CSMD3: variants seen among roughly 807,000 people sequenced by gnomAD.
CSMD3 encodes the protein CUB and Sushi multiple domains 3, also known as CUB and sushi domain-containing protein 3.
In CSMD3, 177 loss-of-function variants were observed where a neutral mutation model predicts 435.2. That is an observed-to-expected ratio of 0.41 (90% CI 0.36 to 0.46). CSMD3 has a LOEUF of 0.46. Among genes scored for constraint, CSMD3 ranks in the 20% least tolerant of loss-of-function variants. The probability of loss-of-function intolerance (pLI) is 0.34; values close to 1 mark genes in which losing one functional copy is unlikely to be tolerated. For missense variants in CSMD3, 4,265 were observed against 4,504.6 expected (o/e 0.95, Z 1.52); for synonymous variants, 1,656 against 1,520.5 (o/e 1.09, Z -2.07).
At chr8:112,372,685 A>G (rs1828520437) in intron 38 of CSMD3, among the ~76,000 whole-genome samples, 1 of 151,898 alleles carries the variant, frequency 6.6e-6, no homozygotes, top group African/African-American at 2.4e-5. Flanking sequence ...CCCTGTCTCT[A>G]GTAAAATACA....
chr8:112,785,413 A>G (rs573895917), intron 13 of CSMD3, among the ~76,000 whole-genome samples: 1 of 152,198 alleles, frequency 6.6e-6, no homozygotes, highest in East Asian at 1.9e-4. Context: ...TAGCTGGAAC[A>G]ATAAGACAAG....
chr8:113,431,380 T>C (rs1030210140), intron 1 of CSMD3, among the ~76,000 whole-genome samples: 2 of 152,242 alleles, frequency 1.3e-5, no homozygotes, highest in Non-Finnish European at 1.5e-5. Context: ...TTTACTTGTA[T>C]CTTACACATT....
intron 10 of CSMD3, among the ~76,000 whole-genome samples, chr8:112,869,580 C>T (rs953760918): frequency 3.3e-5 from 5 of 152,146 alleles, no homozygotes; most frequent in Non-Finnish European, 7.3e-5. Flanking sequence ...GACACTTGCA[C>T]AGGTGTGTTT....
intron 63 of CSMD3, among the ~76,000 whole-genome samples, chr8:112,250,052 A>G (rs934772988): frequency 6.6e-6 from 1 of 152,118 alleles, no homozygotes; most frequent in Non-Finnish European, 1.5e-5. Context: ...AACGTCTATC[A>G]GTTCTTAAAA....
intron 22 of CSMD3, among the ~76,000 whole-genome samples, chr8:112,624,061 T>C (rs1019127244): frequency 2.6e-5 from 4 of 152,090 alleles, no homozygotes; most frequent in Non-Finnish European, 4.4e-5. Flanking sequence ...AAGTAATAGA[T>C]ATTAAAAGTT....
chr8:112,808,310 C>A (rs1452132712), intron 12 of CSMD3, among the ~76,000 whole-genome samples: 1 of 152,062 alleles, frequency 6.6e-6, no homozygotes, highest in Non-Finnish European at 1.5e-5. Context: ...TTTGGGGCTA[C>A]AGAAGCATAA....
chr8:112,246,957 G>T, intron 64 of CSMD3, 63 bp downstream of exon 64: 1 of 1,128,194 alleles, frequency 8.9e-7, no homozygotes, highest in Non-Finnish European at 1.3e-6. Context: ...TTGAATACTT[G>T]GGAGAAAAAA....
intron 12 of CSMD3, 89 bp downstream of exon 12, chr8:112,829,597 G>C: frequency 1.3e-6 from 1 of 759,902 alleles, no homozygotes; most frequent in South Asian, 1.4e-5. Context: ...TGGTAGTAGT[G>C]GGAGCGATCA....
chr8:112,375,540 C>T (rs1007340340), intron 38 of CSMD3, among the ~76,000 whole-genome samples: 1 of 151,998 alleles, frequency 6.6e-6, no homozygotes, highest in Non-Finnish European at 1.5e-5. Flanking sequence ...GTATTATTAG[C>T]ACCTATTATG....
intron 5 of CSMD3, among the ~76,000 whole-genome samples, chr8:113,060,623 G>A (rs1414833013): frequency 6.6e-6 from 1 of 151,878 alleles, no homozygotes; most frequent in Non-Finnish European, 1.5e-5. Context: ...TTTAAGCTAT[G>A]GTATTCATGT....
chr8:112,287,448 AGT>A (rs1236794162), intron 57 of CSMD3, among the ~76,000 whole-genome samples: 1 of 152,126 alleles, frequency 6.6e-6, no homozygotes, highest in African/African-American at 2.4e-5. Context: ...TGCAGAGTAC[AGT>A]GTTACTTTTT....
At chr8:112,346,928 C>CT (rs1276899330) in intron 40 of CSMD3, among the ~76,000 whole-genome samples, 2 of 151,892 alleles carry the variant, frequency 1.3e-5, no homozygotes, top group Non-Finnish European at 2.9e-5. Flanking sequence ...ATCCGCCCGC[C>CT]CAGGCCTCCT....
intron 13 of CSMD3, among the ~76,000 whole-genome samples, chr8:112,766,211 A>G (rs1234670403): frequency 6.6e-6 from 1 of 151,702 alleles, no homozygotes; most frequent in Non-Finnish European, 1.5e-5. Flanking sequence ...AATTTAACCT[A>G]CCTGATTTAA....
At chr8:112,634,438 C>T (rs1277759249) in intron 22 of CSMD3, among the ~76,000 whole-genome samples, 2 of 151,780 alleles carry the variant, frequency 1.3e-5, no homozygotes, top group Admixed American at 6.6e-5. Flanking sequence ...GTATGCCTAC[C>T]GTGGAATTTA....
chr8:112,304,727 A>G lies in CSMD3; in HGVS notation c.8260T>C (p.Cys2754Arg). The change falls in exon 52 of 71, where the codon TGC becomes CGC. Residue 2754 changes from cysteine (C) to arginine (R), a missense_variant. Physicochemically the swap from Cys to Arg is radical, Grantham distance 180. Around this residue, in one of 3 missense-constraint regions of CSMD3, gnomAD observed 3,255 missense variants for 3,380.2 expected, o/e 0.96. Coordinates refer to ENST00000297405, the MANE Select transcript of CSMD3 (RefSeq NM_198123.2). The part of the protein sequence containing the change: ...TWSWRNERPY[C>R]QIISCGELPT... Reference sequence around the variant, plus strand: ...TAGCAGAGTGTATACTTACTTTGGCAATATGGTCTTTCATTTCTCCAACTC... The same window carrying G: ...TAGCAGAGTGTATACTTACTTTGGCGATATGGTCTTTCATTTCTCCAACTC... The G allele has an allele frequency of 6.2e-7, 1 of 1,611,926 alleles. No individual in the cohort carries two copies. The highest frequency in any genetic ancestry group is 8.5e-7 in the Non-Finnish European group (1 of 1,178,038).
At chr8:112,348,226 T>G (rs1825835757) in intron 40 of CSMD3, among the ~76,000 whole-genome samples, 1 of 152,250 alleles carries the variant, frequency 6.6e-6, no homozygotes, top group Admixed American at 6.5e-5. Flanking sequence ...CAATTTTGTG[T>G]GTGTCATCAG....
At chr8:113,211,899 G>T (rs963883722) in intron 3 of CSMD3, among the ~76,000 whole-genome samples, 1 of 152,034 alleles carries the variant, frequency 6.6e-6, no homozygotes, top group Non-Finnish European at 1.5e-5. Context: ...TAACTTTCAG[G>T]TTCTCACAAC....
intron 3 of CSMD3, among the ~76,000 whole-genome samples, chr8:113,270,544 T>C (rs991648635): frequency 6.6e-6 from 1 of 152,204 alleles, no homozygotes; most frequent in Non-Finnish European, 1.5e-5. Flanking sequence ...ATTGTGGCAC[T>C]ATTCACAATA....
intron 22 of CSMD3, among the ~76,000 whole-genome samples, chr8:112,627,655 T>C (rs990735247): frequency 6.6e-6 from 1 of 152,186 alleles, no homozygotes; most frequent in African/African-American, 2.4e-5. Flanking sequence ...GAGTCTTCTA[T>C]TTTAAGTCCT....
Sources: gnomAD v4.1 joint callset for allele counts (sites outside exome capture counted in the v4.1 genomes callset) on GRCh38, gnomAD v4.1.1 for gene constraint, gnomAD v4.1.1 regional missense constraint, MANE v1.5 for transcripts, NCBI Gene and HGNC (gene_info 2026-07-23, HGNC 2026-07-21) for gene names.